Variants in SIPA1L2 observed in about 807,000 individuals in gnomAD.
SIPA1L2 encodes the protein signal-induced proliferation-associated 1-like protein 2.
A neutral mutation model predicts 163.9 loss-of-function variants in SIPA1L2; 56 were observed. That is an observed-to-expected ratio of 0.34 (90% confidence interval 0.28 to 0.43). SIPA1L2 has a LOEUF of 0.43. Among genes scored for constraint, SIPA1L2 ranks in the 20% least tolerant of loss-of-function variants. SIPA1L2 has a pLI of 1.00. For synonymous variants in SIPA1L2, 877 were observed against 865.7 expected (o/e 1.01, Z -0.23); for missense variants, 1,974 against 2,193.5 (o/e 0.90, Z 2.00).
At chr1:232,572,666 TATATATATATACACACACATATACATAC>T (rs1659800148) in intron 2 of SIPA1L2, among the ~76,000 whole-genome samples, 1 of 122,184 alleles carries the variant, frequency 8.2e-6, no homozygotes, top group South Asian at 2.8e-4. Flanking sequence ...CAAATACATA[TATATATATATACACACACATATACATAC>T]ATATATATAT....
chr1:232,524,276 T>C (rs950859936), intron 2 of SIPA1L2, among the ~76,000 whole-genome samples: 3 of 152,118 alleles, frequency 2.0e-5, no homozygotes, highest in African/African-American at 4.8e-5. Context: ...TAATGAGTCA[T>C]AGAAGAAATG....
intron 1 of SIPA1L2, among the ~76,000 whole-genome samples, chr1:232,596,366 G>T (rs1342691350): frequency 6.6e-6 from 1 of 152,162 alleles, no homozygotes; most frequent in Non-Finnish European, 1.5e-5. Context: ...TTTCCCACAT[G>T]TGAAACGAAT....
intron 10 of SIPA1L2, among the ~76,000 whole-genome samples, chr1:232,458,192 G>T (rs777169387): frequency 9.2e-5 from 14 of 152,150 alleles, no homozygotes; most frequent in Non-Finnish European, 1.8e-4. Flanking sequence ...TTTAGGGAAT[G>T]ACATTAATGA....
At chr1:232,480,879 T>C (rs901443591) in intron 6 of SIPA1L2, among the ~76,000 whole-genome samples, 1 of 152,180 alleles carries the variant, frequency 6.6e-6, no homozygotes, top group African/African-American at 2.4e-5. Context: ...CACGGACTTA[T>C]TATATTCTTT....
chr1:232,609,540 G>A (rs1662131976), intron 1 of SIPA1L2, among the ~76,000 whole-genome samples: 2 of 152,080 alleles, frequency 1.3e-5, no homozygotes, highest in Admixed American at 6.6e-5. Flanking sequence ...AAGCAAGAAC[G>A]AAGCAAGCGG....
At chr1:232,493,469 G>GT in intron 4 of SIPA1L2, 58 bp downstream of exon 4, 2 of 1,597,938 alleles carry the variant, frequency 1.3e-6, no homozygotes, top group Non-Finnish European at 1.7e-6. Flanking sequence ...AACTGAAGCA[G>GT]TAACACCAAA....
chr1:232,559,953 C>T (rs1003348166), intron 2 of SIPA1L2, among the ~76,000 whole-genome samples: 2 of 152,166 alleles, frequency 1.3e-5, no homozygotes, highest in Admixed American at 6.5e-5. Flanking sequence ...ATAATACCTA[C>T]CCATCAGCAA....
intron 2 of SIPA1L2, among the ~76,000 whole-genome samples, chr1:232,544,800 C>T (rs1657928435): frequency 6.6e-6 from 1 of 152,200 alleles, no homozygotes; most frequent in South Asian, 2.1e-4. Context: ...GACAGATAAG[C>T]ACCAGGTGCC....
In SIPA1L2 at chr1:232,521,660, T is replaced by C. The variant is rs1667465350; in HGVS notation, c.-269-6052A>G. On this transcript the variant is annotated intron_variant, in intron 2 of 22. Coordinates refer to ENST00000674635, the MANE Select transcript of SIPA1L2 (RefSeq NM_020808.5). ...AAATTGAAATGACTGCAGACCAAAGTATCCCAAAGTCCTGAGTCGACACAG... is the reference window on the plus strand; with the variant it reads ...AAATTGAAATGACTGCAGACCAAAGCATCCCAAAGTCCTGAGTCGACACAG... Among the ~76,000 whole-genome samples the C allele has an allele frequency of 2.0e-5, 3 of 152,180 alleles. No individual in the cohort carries two copies. The South Asian group carries it at 6.2e-4, about 32-fold the overall frequency.
intron 16 of SIPA1L2, among the ~76,000 whole-genome samples, chr1:232,431,779 C>T (rs909668854): frequency 1.3e-5 from 2 of 152,210 alleles, no homozygotes; most frequent in Admixed American, 1.3e-4. Context: ...ACAAAGCATC[C>T]TTTCCTACGT....
At chr1:232,508,574 C>T (rs551803687) in intron 3 of SIPA1L2, among the ~76,000 whole-genome samples, 9 of 152,298 alleles carry the variant, frequency 5.9e-5, no homozygotes, top group Non-Finnish European at 1.2e-4. Flanking sequence ...CATGACTGAC[C>T]GTGGTCAAGC....
At position 232,465,559 on chromosome 1, in the gene SIPA1L2, C is replaced by T; in HGVS notation, c.2244-143G>A. 1.4e-6 allele frequency: 1 copy of T among 727,062 alleles called. No individual in the cohort carries two copies. The allele number at this position is 727,062 out of a possible 1,614,324, so 45.0% of individuals were successfully genotyped here. On this transcript the variant is annotated intron_variant, in intron 8 of 22. Transcript: ENST00000674635. This position sits in a 1 kb window ranked among gnomAD's most constrained non-coding sequence, Gnocchi z 4.1. ...ATATACATACACACATACACACACA[C>T]TTTCAACTTAACTGGTTTATTCTGC...
chr1:232,493,743 A>G, intron 3 of SIPA1L2, 83 bp from the exon 4 acceptor site: 5 of 1,530,318 alleles, frequency 3.3e-6, no homozygotes, highest in South Asian at 2.4e-5. Flanking sequence ...TTGTGTATCA[A>G]ATCTCTGAAG....
chr1:232,612,303 A>G (rs1662281877), intron 1 of SIPA1L2, among the ~76,000 whole-genome samples: 2 of 152,230 alleles, frequency 1.3e-5, no homozygotes, highest in Admixed American at 1.3e-4. Flanking sequence ...CTACTGGGGC[A>G]CTGCCTAGTG....
chr1:232,455,714 CA>C (rs1359853284), intron 10 of SIPA1L2, among the ~76,000 whole-genome samples: 1,377 of 82,742 alleles, frequency 0.017, 24 homozygotes, highest in African/African-American at 0.054. Flanking sequence ...GACTCTGTCT[CA>C]AAAAAAAAAA....
chr1:232,586,217 C>A (rs1660647109), intron 1 of SIPA1L2, among the ~76,000 whole-genome samples: 1 of 152,122 alleles, frequency 6.6e-6, no homozygotes, highest in Non-Finnish European at 1.5e-5. Context: ...CTGATATTTT[C>A]TCAGTGATCA....
chr1:232,478,864 C>A (rs1665175233), intron 7 of SIPA1L2, among the ~76,000 whole-genome samples: 1 of 152,242 alleles, frequency 6.6e-6, no homozygotes. Context: ...AGATTCTAAA[C>A]AAGATGTGAA....
At chr1:232,428,650 C>T (rs988863844) in intron 16 of SIPA1L2, 86 bp from the exon 17 acceptor site, 5 of 1,039,268 alleles carry the variant, frequency 4.8e-6, no homozygotes, top group African/African-American at 1.6e-5. Context: ...GCAGTTTCAA[C>T]AGCCACAAAC....
intron 2 of SIPA1L2, among the ~76,000 whole-genome samples, chr1:232,537,696 C>T (rs973431793): frequency 1.3e-5 from 2 of 152,138 alleles, no homozygotes; most frequent in African/African-American, 2.4e-5. Flanking sequence ...CATGTGTAGA[C>T]ATGCAAGTTA....
Sources: allele counts gnomAD v4.1 joint callset (sites outside exome capture counted in the v4.1 genomes callset), GRCh38; gene constraint gnomAD v4.1.1; non-coding constraint Gnocchi (gnomAD v3.1); transcripts MANE v1.5; gene names NCBI Gene and HGNC (gene_info 2026-07-23, HGNC 2026-07-21).